The following ZFAT variants were observed in gnomAD, a reference collection of about 807,000 sequenced individuals.
ZFAT encodes zinc finger and AT-hook domain containing, also known as zinc finger protein ZFAT.
A neutral mutation model predicts 117.7 loss-of-function variants in ZFAT; 64 were observed. The ratio of observed to expected loss-of-function variants is 0.54; its 90% confidence interval spans 0.44 to 0.67. The LOEUF (loss-of-function observed/expected upper bound fraction) is 0.67. Among genes scored for constraint, ZFAT ranks in the 30% least tolerant of loss-of-function variants. The pLI is 0.00. For synonymous variants in ZFAT, 679 were observed against 615.0 expected (o/e 1.10, Z -1.54); for missense variants, 1,433 against 1,584.5 (o/e 0.90, Z 1.62).
chr8:134,567,550 T>C (rs1824562246), intron 10 of ZFAT, among the ~76,000 whole-genome samples: 1 of 152,090 alleles, frequency 6.6e-6, no homozygotes, highest in African/African-American at 2.4e-5. Flanking sequence ...CCTCATCTTC[T>C]ATCCAGATGA....
At chr8:134,817,670 G>T in the ZFAT span, among the ~76,000 whole-genome samples, 2 of 152,088 alleles carry the variant, frequency 1.3e-5, no homozygotes, top group East Asian at 3.9e-4. Context: ...AAAACGTCAA[G>T]CAAGCTTTTT....
intron 2 of ZFAT, among the ~76,000 whole-genome samples, chr8:134,648,841 A>G (rs75314735): frequency 0.015 from 2,319 of 152,172 alleles, 46 homozygotes; most frequent in African/African-American, 0.052. Flanking sequence ...CTCTAGACCA[A>G]TATCTCTTAT....
At chr8:134,800,539 AC>A in the ZFAT span, 1 of 514,212 alleles carries the variant, frequency 1.9e-6, no homozygotes, top group South Asian at 1.4e-5. Flanking sequence ...GCTGAAGTAA[AC>A]ATCCACCTCC....
the ZFAT span, among the ~76,000 whole-genome samples, chr8:134,736,587 T>A: frequency 6.6e-6 from 1 of 152,092 alleles, no homozygotes; most frequent in South Asian, 2.1e-4. Context: ...TGCCATTCTC[T>A]CTCTCTCTCT....
At chr8:134,499,206 T>C (rs1253009080) in intron 15 of ZFAT, among the ~76,000 whole-genome samples, 53 of 115,870 alleles carry the variant, frequency 4.6e-4, no homozygotes, top group Admixed American at 4.7e-4. Flanking sequence ...TTGGGAGGGT[T>C]GGGGTGGAGC....
At chr8:134,484,694 G>A (rs532404388) in intron 15 of ZFAT, among the ~76,000 whole-genome samples, 36 of 152,350 alleles carry the variant, frequency 2.4e-4, no homozygotes, top group African/African-American at 8.7e-4. Flanking sequence ...CAGCACTTTG[G>A]TTACTGGGAG....
At chr8:134,531,061 C>T (rs147625167) in intron 12 of ZFAT, among the ~76,000 whole-genome samples, 1,902 of 152,270 alleles carry the variant, frequency 0.012, 34 homozygotes, top group African/African-American at 0.044. Context: ...GAACCAAAAG[C>T]AACCCTGCAA....
intron 15 of ZFAT, among the ~76,000 whole-genome samples, chr8:134,494,247 CTGTACTTTAGGAGTAGTTTCCTT>C (rs1292854398): frequency 6.6e-6 from 1 of 152,252 alleles, no homozygotes; most frequent in African/African-American, 2.4e-5. Flanking sequence ...GTCCCCTCCA[CTGTACTTTAGGAGTAGTTTCCTT>C]TGTACATTTC....
chr8:134,690,216 T>C (rs1350916727), intron 1 of ZFAT, among the ~76,000 whole-genome samples: 1 of 151,998 alleles, frequency 6.6e-6, no homozygotes, highest in Non-Finnish European at 1.5e-5. Flanking sequence ...TCCAGCGGGG[T>C]AGGAGAAGGC....
At chr8:134,768,413 C>A in the ZFAT span, among the ~76,000 whole-genome samples, 2 of 152,168 alleles carry the variant, frequency 1.3e-5, no homozygotes, top group East Asian at 1.9e-4. Flanking sequence ...TCTTCTCAGG[C>A]CTCTCTGTAT....
chr8:134,481,284 G>A (rs1454072358), intron 15 of ZFAT, among the ~76,000 whole-genome samples: 1 of 152,178 alleles, frequency 6.6e-6, no homozygotes, highest in Non-Finnish European at 1.5e-5. Context: ...GCCACACAAA[G>A]GAAAGGGTGA....
At chr8:134,548,966 C>T (rs1289812305) in intron 11 of ZFAT, among the ~76,000 whole-genome samples, 1 of 152,220 alleles carries the variant, frequency 6.6e-6, no homozygotes, top group African/African-American at 2.4e-5. Flanking sequence ...GCCCGACTCA[C>T]GTCACTACTC....
rs185012541 is a variant in ZFAT at position 134,682,970 on chromosome 8, T to C, written c.20-25233A>G. Reference sequence around the variant, plus strand: ...ATTTGATCTGGACAAGCTGGGTTGCTGCTAGCCCTTAAGGCACCTCTGTGA... The same window carrying C: ...ATTTGATCTGGACAAGCTGGGTTGCCGCTAGCCCTTAAGGCACCTCTGTGA... On this transcript the variant is annotated intron_variant, in intron 1 of 15. Coordinates refer to ENST00000377838, the MANE Select transcript of ZFAT (RefSeq NM_020863.4). Among the ~76,000 whole-genome samples, 730 of 152,368 alleles carry C rather than the reference T, an allele frequency of 4.8e-3. 6 individuals carry two copies. The highest frequency in any genetic ancestry group is 0.016 in the African/African-American group (674 of 41,582).
chr8:134,601,325 C>T, intron 6 of ZFAT, 152 bp downstream of exon 6: 1 of 1,194,210 alleles, frequency 8.4e-7, no homozygotes, highest in Non-Finnish European at 1.1e-6. Context: ...GCGCTAACGG[C>T]CACACAGGGT....
intron 3 of ZFAT, among the ~76,000 whole-genome samples, chr8:134,633,083 A>G (rs1829993344): frequency 1.3e-5 from 2 of 152,194 alleles, no homozygotes; most frequent in Non-Finnish European, 2.9e-5. Flanking sequence ...CAAAATGTAA[A>G]ATATGCCCTA....
At chr8:134,728,856 C>G in the ZFAT span, among the ~76,000 whole-genome samples, 4 of 152,140 alleles carry the variant, frequency 2.6e-5, no homozygotes, top group East Asian at 7.7e-4. Flanking sequence ...ACATATCTCT[C>G]TCCTCTTATA....
the ZFAT span, among the ~76,000 whole-genome samples, chr8:134,809,611 TAC>T: frequency 2.0e-5 from 3 of 152,212 alleles, no homozygotes; most frequent in Non-Finnish European, 2.9e-5. Context: ...GTGATGCTAT[TAC>T]AGACTAAATG....
At chr8:134,496,455 G>T (rs151016435) in intron 15 of ZFAT, among the ~76,000 whole-genome samples, 201 of 152,318 alleles carry the variant, frequency 1.3e-3, no homozygotes, top group African/African-American at 4.6e-3. Flanking sequence ...GGGCAGGGGA[G>T]CTCTGTCCCA....
At chr8:134,676,098 C>T (rs199594605) in intron 1 of ZFAT, among the ~76,000 whole-genome samples, 2 of 151,962 alleles carry the variant, frequency 1.3e-5, no homozygotes, top group African/African-American at 2.4e-5. Flanking sequence ...ATAACAATAT[C>T]AACCTTAAAT....
Sources: gnomAD v4.1 joint callset for allele counts (sites outside exome capture counted in the v4.1 genomes callset) on GRCh38, gnomAD v4.1.1 for gene constraint, MANE v1.5 for transcripts, NCBI Gene and HGNC (gene_info 2026-07-23, HGNC 2026-07-21) for gene names.